The following ALG8 variants were observed in gnomAD, a reference collection of about 807,000 sequenced individuals.
The protein encoded by ALG8 is ALG8 alpha-1,3-glucosyltransferase.
In ALG8, 48 loss-of-function variants were observed where a neutral mutation model predicts 70.2. The ratio of observed to expected loss-of-function variants is 0.68; its 90% CI spans 0.54 to 0.87. The LOEUF (loss-of-function observed/expected upper bound fraction) is 0.87, where lower values mean the gene tolerates loss of function less well. ALG8 is among the 40% of genes least tolerant of loss of function. ALG8 has a pLI of 0.00. For synonymous variants in ALG8, 234 were observed against 229.0 expected, an observed-to-expected ratio of 1.02 and a Z score of -0.20; for missense variants, 572 against 608.7, an observed-to-expected ratio of 0.94 and a Z score of 0.64.
At chr11:78,138,612 G>A (rs1272413925) in intron 1 of ALG8, 2 of 425,212 alleles carry the variant, frequency 4.7e-6, no homozygotes, top group Non-Finnish European at 9.4e-6. Flanking sequence ...AAACTAGGAA[G>A]TGGGAGGGAA....
intron 1 of ALG8, among the ~76,000 whole-genome samples, chr11:78,128,503 C>T (rs1297414157): frequency 6.6e-6 from 1 of 152,166 alleles, no homozygotes; most frequent in African/African-American, 2.4e-5. Context: ...TTGATATTCC[C>T]CTAGGTTCAG....
chr11:78,119,467 C>T (rs1170260950), intron 4 of ALG8, among the ~76,000 whole-genome samples: 1 of 134,410 alleles, frequency 7.4e-6, no homozygotes, highest in African/African-American at 2.9e-5. Context: ...CTCACTCTGT[C>T]ACCCAGGCTG....
chr11:78,123,101 T>C (rs1860897627), intron 3 of ALG8, among the ~76,000 whole-genome samples: 1 of 149,894 alleles, frequency 6.7e-6, no homozygotes, highest in Non-Finnish European at 1.5e-5. Context: ...AGGTCAGGAG[T>C]TCAAGACCAG....
chr11:78,123,333 A>G (rs544470061), intron 3 of ALG8, among the ~76,000 whole-genome samples: 7 of 94,744 alleles, frequency 7.4e-5, no homozygotes, highest in African/African-American at 3.0e-4. Context: ...AAAAAAAAAA[A>G]AAAGAAAAAA....
At chr11:78,104,727 G>T (rs1213706856) in intron 10 of ALG8, among the ~76,000 whole-genome samples, 1 of 152,204 alleles carries the variant, frequency 6.6e-6, no homozygotes, top group Non-Finnish European at 1.5e-5. Flanking sequence ...ACTTTGGGAG[G>T]CCGAGGCGGG....
intron 8 of ALG8, 51 bp from the exon 9 acceptor site, chr11:78,109,632 T>A: frequency 6.7e-7 from 1 of 1,494,200 alleles, no homozygotes; most frequent in Non-Finnish European, 9.3e-7. Flanking sequence ...ATTACTGAGA[T>A]ACCATATATT....
chr11:78,112,599 C>T, intron 8 of ALG8, 51 bp downstream of exon 8: 1 of 1,608,594 alleles, frequency 6.2e-7, no homozygotes, highest in Non-Finnish European at 8.5e-7. Context: ...CTCCATGTGC[C>T]TAAGTCCTTT....
intron 8 of ALG8, among the ~76,000 whole-genome samples, chr11:78,110,801 CTTCCCCT>C (rs969837422): frequency 5.3e-5 from 8 of 152,170 alleles, no homozygotes; most frequent in Non-Finnish European, 7.3e-5. Context: ...TTACTAACCT[CTTCCCCT>C]TTCCCCTTTG....
intron 4 of ALG8, among the ~76,000 whole-genome samples, chr11:78,120,071 C>T (rs1208881471): frequency 1.3e-5 from 2 of 151,792 alleles, no homozygotes; most frequent in Non-Finnish European, 2.9e-5. Context: ...CACTGCACTC[C>T]AGTCTGGGTG....
intron 2 of ALG8, 142 bp downstream of exon 2, chr11:78,127,216 A>T (rs1861119254): frequency 1.4e-6 from 1 of 694,694 alleles, no homozygotes; most frequent in African/African-American, 1.8e-5. Context: ...TGACCTCATG[A>T]TCTGCCCGCC....
At chr11:78,118,081 A>G (rs1391129561) in intron 5 of ALG8, among the ~76,000 whole-genome samples, 2 of 151,872 alleles carry the variant, frequency 1.3e-5, no homozygotes, top group South Asian at 2.1e-4. Context: ...AAAAAAAAAA[A>G]AAAAGAAAAA....
intron 5 of ALG8, among the ~76,000 whole-genome samples, chr11:78,117,976 C>T (rs530319579): frequency 2.8e-5 from 4 of 142,216 alleles, no homozygotes; most frequent in East Asian, 2.2e-4. Context: ...GAGGCTGAGG[C>T]GGGAGAATGG....
chr11:78,125,033 CTTTT>C (rs1861003404), intron 2 of ALG8, among the ~76,000 whole-genome samples: 1 of 138,302 alleles, frequency 7.2e-6, no homozygotes, highest in Admixed American at 6.8e-5. Flanking sequence ...TCTCAGTTTT[CTTTT>C]TCTTTTTTTT....
intron 1 of ALG8, chr11:78,138,826 T>C (rs752335149): frequency 2.2e-6 from 1 of 456,208 alleles, no homozygotes; most frequent in South Asian, 1.5e-5. Context: ...GTGTTATCTG[T>C]CCCCAGTGCA....
chr11:78,136,807 T>C (rs1001523585), intron 1 of ALG8, among the ~76,000 whole-genome samples: 3 of 152,250 alleles, frequency 2.0e-5, no homozygotes, highest in African/African-American at 7.2e-5. Flanking sequence ...CCTTCATCAG[T>C]GAGCTTAGCT....
At position 78,139,567 on chromosome 11, in the gene ALG8, T is replaced by C. The variant is rs1408290909; in HGVS notation, c.22A>G (p.Thr8Ala). 1.9e-6 allele frequency: 3 copies of C among 1,558,286 alleles called. No individual in the cohort carries two copies. Among genetic ancestry groups the C allele is most frequent in the African/African-American group, 2.7e-5 (2 of 73,382 alleles). ...GCCGAAAACCAATTGCCAGTACCCG[T>C]GGCAATTGTGAGCGCCGCCATTGCT... MAALTIA[T>A]GTGNWFSALA... The change falls in exon 1 of 13, where the codon ACG becomes GCG. Residue 8 changes from threonine to alanine, a missense_variant. By Grantham distance (58) the Thr-to-Ala change is moderately conservative (BLOSUM62 0). Transcript: ENST00000299626.
chr11:78,101,779 A>G (rs1295647761), intron 12 of ALG8, among the ~76,000 whole-genome samples: 1 of 152,184 alleles, frequency 6.6e-6, no homozygotes, highest in African/African-American at 2.4e-5. Flanking sequence ...TGAAAGAGGT[A>G]AAGGGGTTGG....
intron 2 of ALG8, among the ~76,000 whole-genome samples, chr11:78,125,691 C>A (rs930347349): frequency 6.7e-6 from 1 of 148,636 alleles, no homozygotes; most frequent in Non-Finnish European, 1.5e-5. Context: ...GCAGGAGAAT[C>A]GCTTACTCAG....
At chr11:78,129,937 T>G (rs539913015) in intron 1 of ALG8, among the ~76,000 whole-genome samples, 12 of 152,106 alleles carry the variant, frequency 7.9e-5, no homozygotes, top group Non-Finnish European at 1.6e-4. Context: ...AACTTAATGT[T>G]GAGTGAAAGC....
Sources: gnomAD v4.1 joint callset for allele counts (sites outside exome capture counted in the v4.1 genomes callset) on GRCh38, gnomAD v4.1.1 for gene constraint, MANE v1.5 for transcripts, NCBI Gene and HGNC (gene_info 2026-07-23, HGNC 2026-07-21) for gene names.